Variants in SOX6 observed in about 807,000 individuals in gnomAD.
SOX6 encodes the protein transcription factor SOX-6.
Under a neutral mutation model 97.8 loss-of-function variants are expected in SOX6, and 11 were observed. The ratio of observed to expected loss-of-function variants is 0.11; its 90% confidence interval spans 0.07 to 0.19. The LOEUF (loss-of-function observed/expected upper bound fraction) is 0.19, where lower values mean the gene tolerates loss of function less well. SOX6 is among the 10% of genes least tolerant of loss of function. The probability of loss-of-function intolerance (pLI) is 1.00; values close to 1 mark genes in which losing one functional copy is unlikely to be tolerated. For missense variants in SOX6, 810 were observed against 1,039.5 expected (o/e 0.78, Z 3.04); for synonymous variants, 360 against 371.4 (o/e 0.97, Z 0.35).
intron 4 of SOX6, among the ~76,000 whole-genome samples, chr11:16,509,617 C>T (rs991082191): frequency 3.3e-5 from 5 of 151,950 alleles, no homozygotes; most frequent in African/African-American, 1.2e-4. Flanking sequence ...AGAATAAGTT[C>T]ATACAAATGA....
chr11:16,534,549 A>C (rs1861279623), intron 4 of SOX6, among the ~76,000 whole-genome samples: 2 of 152,152 alleles, frequency 1.3e-5, no homozygotes, highest in African/African-American at 2.4e-5. Flanking sequence ...TTAGTTTCAA[A>C]AGTTTGGAAT....
intron 1 of SOX6, among the ~76,000 whole-genome samples, chr11:16,353,889 C>T (rs1442329581): frequency 3.9e-5 from 6 of 152,006 alleles, no homozygotes; most frequent in African/African-American, 1.2e-4. Flanking sequence ...ATAACCACCA[C>T]CTCCACCTCA....
intron 7 of SOX6, among the ~76,000 whole-genome samples, chr11:16,108,985 C>T (rs1201930447): frequency 6.6e-6 from 1 of 150,632 alleles, no homozygotes; most frequent in African/African-American, 2.4e-5. Flanking sequence ...GCTGAAGGCA[C>T]AAATACCATG....
chr11:16,156,888 T>C lies in SOX6; in HGVS notation c.777+26998A>G, dbSNP rs570008620. On this transcript the variant is annotated intron_variant, in intron 6 of 15. Transcript: ENST00000683767. ...TCTATATTCTTACTTATCCTTAACCTATTTTTCTTCATAGAATTTATCACT... is the reference window on the plus strand; with the variant it reads ...TCTATATTCTTACTTATCCTTAACCCATTTTTCTTCATAGAATTTATCACT... 3.9e-5 allele frequency among the ~76,000 whole-genome samples: 6 copies of C among 152,198 alleles called. No individual in the cohort carries two copies. In the East Asian group the frequency reaches 1.2e-3, roughly 29 times the overall value.
At chr11:16,457,281 G>A (rs1246406384) in intron 1 of SOX6, among the ~76,000 whole-genome samples, 1 of 151,922 alleles carries the variant, frequency 6.6e-6, no homozygotes, top group Non-Finnish European at 1.5e-5. Flanking sequence ...CCTTAGTACT[G>A]GATCATAAAA....
intron 2 of SOX6, among the ~76,000 whole-genome samples, chr11:16,730,029 A>AATATAT (rs34591978): frequency 0.088 from 12,506 of 142,288 alleles, 782 homozygotes; most frequent in Admixed American, 0.21. Flanking sequence ...AACTATCCTA[A>AATATAT]ATATATATAT....
At chr11:16,466,691 G>A (rs1860039299) in intron 1 of SOX6, among the ~76,000 whole-genome samples, 1 of 150,832 alleles carries the variant, frequency 6.6e-6, no homozygotes, top group Middle Eastern at 3.5e-3. Context: ...AGCACTTTGG[G>A]AGGCCGAGGC....
intron 1 of SOX6, among the ~76,000 whole-genome samples, chr11:16,452,380 G>A (rs1458018781): frequency 6.6e-6 from 1 of 152,108 alleles, no homozygotes; most frequent in African/African-American, 2.4e-5. Context: ...TCCAAGGAAA[G>A]GGGAGTTAAG....
chr11:16,015,200 G>A lies in SOX6; in HGVS notation c.1624-150C>T, dbSNP rs78551813. ...TCTGAAAATCTTTCAGGAAGATTCC[G>A]TTGAAAGCTGTTTGTGACATGGACA... On this transcript the variant is annotated intron_variant, in intron 12 of 15. Coordinates refer to ENST00000683767, the MANE Select transcript of SOX6 (RefSeq NM_001367873.1). 762 of 715,784 alleles carry A rather than the reference G, an allele frequency of 1.1e-3. 6 individuals are homozygous for A. In the East Asian group the frequency reaches 0.019, roughly 18 times the overall value. The allele number at this position is 715,784 out of a possible 1,614,324, so 44.3% of individuals were successfully genotyped here.
At chr11:16,693,378 T>G (rs951370994) in intron 3 of SOX6, among the ~76,000 whole-genome samples, 1 of 152,142 alleles carries the variant, frequency 6.6e-6, no homozygotes, top group African/African-American at 2.4e-5. Context: ...CTAATTTTCA[T>G]GTTTATTCAC....
chr11:16,132,405 G>GAAAGAAA (rs1564972376), intron 6 of SOX6, among the ~76,000 whole-genome samples: 18 of 47,592 alleles, frequency 3.8e-4, no homozygotes, highest in South Asian at 7.7e-4. Flanking sequence ...AAAGAAAAAA[G>GAAAGAAA]AAAGAAAGAA....
chr11:16,424,511 G>GAGAGGGAATCCTCTGT (rs71313433), intron 1 of SOX6, among the ~76,000 whole-genome samples: 47,200 of 151,816 alleles, frequency 0.31, 8,295 homozygotes, highest in Non-Finnish European at 0.4. Context: ...TGCAAACTAA[G>GAGAGGGAATCCTCTGT]AGAGGGAATC....
intron 4 of SOX6, among the ~76,000 whole-genome samples, chr11:16,573,116 T>C (rs1847953103): frequency 6.6e-6 from 1 of 152,194 alleles, no homozygotes; most frequent in Admixed American, 6.5e-5. Context: ...TAATACTTAA[T>C]GTAACATGAA....
chr11:16,489,427 T>C (rs2133131379), intron 4 of SOX6, among the ~76,000 whole-genome samples: 2 of 152,262 alleles, frequency 1.3e-5, no homozygotes, highest in East Asian at 3.9e-4. Flanking sequence ...TATGTCATTA[T>C]GTGGTTATTA....
chr11:16,386,549 A>T (rs1857992219), intron 1 of SOX6, among the ~76,000 whole-genome samples: 1 of 152,088 alleles, frequency 6.6e-6, no homozygotes, highest in African/African-American at 2.4e-5. Context: ...GCAACATAAG[A>T]CCTGATCTTC....
intron 3 of SOX6, among the ~76,000 whole-genome samples, chr11:16,665,076 G>A (rs1240532961): frequency 6.6e-6 from 1 of 151,728 alleles, no homozygotes; most frequent in Non-Finnish European, 1.5e-5. Flanking sequence ...ATGGGCCTTG[G>A]GTAAAACTGG....
At chr11:16,246,724 G>C (rs1325397777) in intron 3 of SOX6, among the ~76,000 whole-genome samples, 1 of 151,638 alleles carries the variant, frequency 6.6e-6, no homozygotes, top group East Asian at 1.9e-4. Context: ...TATACTTCTT[G>C]GATCTAAGGG....
At chr11:16,606,555 A>G (rs1279278220) in intron 4 of SOX6, among the ~76,000 whole-genome samples, 1 of 152,208 alleles carries the variant, frequency 6.6e-6, no homozygotes, top group Non-Finnish European at 1.5e-5. Context: ...AACTTCACGG[A>G]GACTTACAAA....
chr11:16,728,573 A>T (rs1848325094), intron 2 of SOX6, among the ~76,000 whole-genome samples: 1 of 152,190 alleles, frequency 6.6e-6, no homozygotes, highest in Non-Finnish European at 1.5e-5. Flanking sequence ...ACCCAATCCG[A>T]AGGTCACCAA....
Sources: gnomAD v4.1 joint callset for allele counts (sites outside exome capture counted in the v4.1 genomes callset) on GRCh38, gnomAD v4.1.1 for gene constraint, MANE v1.5 for transcripts, NCBI Gene and HGNC (gene_info 2026-07-23, HGNC 2026-07-21) for gene names.